DPH1: variants seen among roughly 807,000 people sequenced by gnomAD.
DPH1 encodes 2-(3-amino-3-carboxypropyl)histidine synthase subunit 1.
DPH1 carries 59 observed loss-of-function variants against 55.3 expected under a neutral mutation model. The observed-to-expected ratio is 1.07, with a 90% CI of 0.87 to 1.33. DPH1 has a LOEUF of 1.33. Among genes scored for constraint, DPH1 ranks in the 40% most tolerant of loss-of-function variants. The pLI, the probability that DPH1 is intolerant of heterozygous loss-of-function variation, is 0.00. For missense variants in DPH1, 628 were observed against 584.8 expected (o/e 1.07, Z -0.76); for synonymous variants, 238 against 235.5 (o/e 1.01, Z -0.10).
At chr17:2,035,471 T>TGGG (rs2067405239) in intron 3 of DPH1, among the ~76,000 whole-genome samples, 13 of 12,264 alleles carry the variant, frequency 1.1e-3, no homozygotes, top group South Asian at 2.6e-3. Flanking sequence ...GGGGTCCGGG[T>TGGG]GAGGGGGCCC....
At position 2,041,771 on chromosome 17, in the gene DPH1, C is replaced by G; in HGVS notation, c.1231C>G (p.Gln411Glu). 2 of 1,604,662 alleles carry G rather than the reference C, an allele frequency of 1.2e-6. No individual in the cohort carries two copies. Among genetic ancestry groups the G allele is most frequent in the South Asian group, 1.1e-5 (1 of 89,816 alleles). Residue 411 changes from glutamine (Q) to glutamate (E), a missense_variant, in exon 12 of 13, where the codon CAG (glutamine) becomes GAG (glutamate). Gln to Glu is a conservative substitution (Grantham distance 29, BLOSUM62 2). Coordinates refer to ENST00000263083, the MANE Select transcript of DPH1 (RefSeq NM_001383.6). ...TAACCAAAGTCTGCGACCTCAGGTG[C>G]AGGAGGGGTCCGCGCGTCCCCCTTC... ...APGRPARGKV[Q>E]EGSARPPSAV...
At chr17:2,042,076 T>C (rs1343932351) in intron 12 of DPH1, 2 of 1,561,956 alleles carry the variant, frequency 1.3e-6, no homozygotes, top group Non-Finnish European at 1.7e-6. Flanking sequence ...CTGCGGGTCC[T>C]GTGCCTGGCG....
chr17:2,041,383 C>G, intron 10 of DPH1, 98 bp from the exon 11 acceptor site: 1 of 1,517,578 alleles, frequency 6.6e-7, no homozygotes, highest in Non-Finnish European at 8.9e-7. Context: ...TGGCAGGGGA[C>G]AGTGTGCCCT....
rs778012131 is a variant in DPH1, at chr17:2,042,880, C to T, written c.*294C>T. The T allele has an allele frequency of 1.4e-5, 22 of 1,614,058 alleles. No individual in the cohort carries two copies. Among genetic ancestry groups the T allele is most frequent in the South Asian group, 5.5e-5 (5 of 91,096 alleles). On this transcript the variant is annotated 3_prime_UTR_variant, in exon 13 of 13. Coordinates refer to ENST00000263083, the MANE Select transcript of DPH1 (RefSeq NM_001383.6). ...CCTCTTGGTGTCTGGTTTCTGTCCC[C>T]GGGGCATTGGGTTCAAGGAATCCAT...
In DPH1 at chr17:2,042,745, C is replaced by G. The variant is rs750380507; in HGVS notation, c.*159C>G. The G allele has an allele frequency of 2.1e-5, 34 of 1,601,812 alleles. No homozygotes were observed. Among genetic ancestry groups the G allele is most frequent in the Non-Finnish European group, 2.6e-5 (30 of 1,174,404 alleles). ...GATGGTGGCACAGGCACTGAACAGG[C>G]TGGGGCCTTTTGACGGCCTTCTTGG... On this transcript the variant is annotated 3_prime_UTR_variant, in exon 13 of 13. Coordinates refer to ENST00000263083, the MANE Select transcript of DPH1 (RefSeq NM_001383.6).
Position 2,031,419 on chromosome 17 carries a change from G to A in DPH1, c.61+1189G>A, listed in dbSNP as rs538892341. ...TCTACTAAAAATACAAAAATTAGCC[G>A]CGTGTGGTAGCACACGCCTGTAATC... is the stretch of plus-strand genomic sequence containing the variant. On this transcript the variant is annotated intron_variant, in intron 1 of 12. Coordinates refer to ENST00000263083, the MANE Select transcript of DPH1 (RefSeq NM_001383.6). Among the ~76,000 whole-genome samples, 11 of 151,834 alleles carry A rather than the reference G, an allele frequency of 7.2e-5. No homozygotes were observed. The South Asian group carries it at 1.9e-3, about 26-fold the overall frequency.
At position 2,042,764 on chromosome 17, in the gene DPH1, T is replaced by G; in HGVS notation, c.*178T>G. The G allele has an allele frequency of 1.2e-6, 2 of 1,608,584 alleles. No individual in the cohort carries two copies. Among genetic ancestry groups the G allele is most frequent in the Non-Finnish European group, 1.7e-6 (2 of 1,177,760 alleles). On this transcript the variant is annotated 3_prime_UTR_variant, in exon 13 of 13. Transcript: ENST00000263083. ...AACAGGCTGGGGCCTTTTGACGGCC[T>G]TCTTGGTTTCAGCCAAGGGGCTGCG...
chr17:2,038,022 G>C (rs1467489209), intron 6 of DPH1, among the ~76,000 whole-genome samples: 3 of 152,124 alleles, frequency 2.0e-5, no homozygotes, highest in Non-Finnish European at 4.4e-5. Flanking sequence ...ATAAACAGTA[G>C]CTGTTGGCCG....
chr17:2,037,912 G>T (rs1039715774), intron 6 of DPH1, among the ~76,000 whole-genome samples: 1 of 152,146 alleles, frequency 6.6e-6, no homozygotes, highest in Non-Finnish European at 1.5e-5. Flanking sequence ...TGTAAAACAG[G>T]TATACTATAC....
rs939464820 is a variant in DPH1, at chr17:2,036,222, C to G, written c.400+131C>G. The G allele has an allele frequency of 6.9e-6, 10 of 1,439,382 alleles. No individual in the cohort carries two copies. The highest frequency in any genetic ancestry group is 9.2e-6 in the Non-Finnish European group (10 of 1,083,668). The allele number at this position is 1,439,382 out of a possible 1,614,324, so 89.2% of individuals were successfully genotyped here. On this transcript the variant is annotated intron_variant, in intron 4 of 12. Transcript: ENST00000263083. This position sits in a 1 kb window ranked among gnomAD's most constrained non-coding sequence, Gnocchi z 4.8. The stretch of plus-strand genomic sequence containing the variant: ...AGGTCCCTCCTGGTTTCTGGGGTGG[C>G]CTCTGCCTTCCCGCTCTGCAGGTAG...
At position 2,035,445 on chromosome 17, in the gene DPH1, T is replaced by TGGTGGGGAGGGGGTGGGGGCCCTGCCTGC. The variant is rs2067403468; in HGVS notation, c.279-515_279-514insGGGTGGGGGCCCTGCCTGCGGTGGGGAGG. ...GGTCCGGACGAGAGGGCCCTGCCTG[T>TGGTGGGGAGGGGGTGGGGGCCCTGCCTGC]GGTGGGGAGGTAGTGGGGGTCCGGG... On this transcript the variant is annotated intron_variant, in intron 3 of 12. Coordinates refer to ENST00000263083, the MANE Select transcript of DPH1 (RefSeq NM_001383.6). Among the ~76,000 whole-genome samples the TGGTGGGGAGGGGGTGGGGGCCCTGCCTGC allele has an allele frequency of 5.6e-3, 65 of 11,612 alleles. 1 individual carries two copies. Among genetic ancestry groups the TGGTGGGGAGGGGGTGGGGGCCCTGCCTGC allele is most frequent in the Middle Eastern group, 0.05 (1 of 20 alleles). 7.6% of individuals were successfully genotyped at this position (11,612 alleles called of 152,430 possible).
chr17:2,038,933 G>A (rs981906085), intron 6 of DPH1: 9 of 152,158 alleles, frequency 5.9e-5, no homozygotes, highest in African/African-American at 1.2e-4. Flanking sequence ...TAAATAGAGG[G>A]ACCGTAGAGT....
At chr17:2,040,828 C>T (rs905783927) in intron 9 of DPH1, 34 of 629,702 alleles carry the variant, frequency 5.4e-5, no homozygotes, top group South Asian at 4.0e-4. Context: ...TGAGTTTGAG[C>T]GGTGGCTGAC....
intron 6 of DPH1, 69 bp downstream of exon 6, chr17:2,037,025 C>A: frequency 1.3e-6 from 2 of 1,549,522 alleles, no homozygotes; most frequent in Non-Finnish European, 1.7e-6. Context: ...GCCTGAGGTT[C>A]ATCATCCAGG....
chr17:2,040,375 G>T lies in DPH1; in HGVS notation c.906+1G>T, dbSNP rs1268423447. ...CCAGGGCAGTCCTAAGATCCTGGAG[G>T]TCAGTGGGCTCAGGACAGCCTCTGG... On this transcript the variant is annotated splice_donor_variant, in intron 8 of 12. Coordinates refer to ENST00000263083, the MANE Select transcript of DPH1 (RefSeq NM_001383.6). LOFTEE classifies it high-confidence loss of function. 1 of 1,613,816 alleles carries T rather than the reference G, an allele frequency of 6.2e-7. No homozygotes were observed. Among genetic ancestry groups the T allele is most frequent in the Non-Finnish European group, 8.5e-7 (1 of 1,180,024 alleles).
chr17:2,035,953 C>T lies in DPH1; in HGVS notation c.279-17C>T, dbSNP rs145823828. 1,416 of 1,613,642 alleles carry T rather than the reference C, an allele frequency of 8.8e-4. 1 individual carries two copies. The highest frequency in any genetic ancestry group is 1.1e-3 in the Non-Finnish European group (1,267 of 1,179,808). On this transcript the variant is annotated splice_polypyrimidine_tract_variant and intron_variant, in intron 3 of 12. Coordinates refer to ENST00000263083, the MANE Select transcript of DPH1 (RefSeq NM_001383.6). ...CCTGTGTCCCTGTCCCACCGTTCCC[C>T]GCCCCTGTGCCCGCAGGTTCACGGA... is the stretch of plus-strand genomic sequence containing the variant.
intron 12 of DPH1, 38 bp downstream of exon 12, chr17:2,041,913 C>G: frequency 3.2e-6 from 5 of 1,542,212 alleles, no homozygotes; most frequent in Non-Finnish European, 4.4e-6. Flanking sequence ...CGCCTTTTGC[C>G]GTTGTCATGG....
intron 6 of DPH1, among the ~76,000 whole-genome samples, chr17:2,038,147 CAAAAAAA>C (rs201391773): frequency 8.3e-5 from 9 of 108,748 alleles, no homozygotes; most frequent in Non-Finnish European, 1.3e-4. Flanking sequence ...CTGTTCTCTC[CAAAAAAA>C]AAAAAAAAAA....
Position 2,043,344 on chromosome 17 carries a change from G to A in DPH1, c.*758G>A. ...AAACGCAAACATGAATATGGTTGGA[G>A]AGCCCTGGATTAGGAGGGTGACATG... On this transcript the variant is annotated 3_prime_UTR_variant, in exon 13 of 13. Coordinates refer to ENST00000263083, the MANE Select transcript of DPH1 (RefSeq NM_001383.6). The A allele has an allele frequency of 1.9e-6, 1 of 518,712 alleles. No individual in the cohort carries two copies. The highest frequency in any genetic ancestry group is 3.4e-6 in the Non-Finnish European group (1 of 297,994). 32.1% of individuals were successfully genotyped at this position (518,712 alleles called of 1,614,324 possible). A position where few individuals can be genotyped will look rare whatever the true frequency, so the allele number is the denominator to read the frequency against.
Sources: gnomAD v4.1 joint callset for allele counts (sites outside exome capture counted in the v4.1 genomes callset) on GRCh38, gnomAD v4.1.1 for gene constraint, Gnocchi (gnomAD v3.1) non-coding constraint, MANE v1.5 for transcripts, NCBI Gene and HGNC (gene_info 2026-07-23, HGNC 2026-07-21) for gene names.